SPNS1: variants seen among roughly 807,000 people sequenced by gnomAD.
SPNS1 encodes protein spinster homolog 1.
In SPNS1, 22 loss-of-function variants were observed where a neutral mutation model predicts 50.3. The observed-to-expected ratio is 0.44, with a 90% confidence interval of 0.31 to 0.62. The LOEUF (loss-of-function observed/expected upper bound fraction) is 0.62, where lower values mean the gene tolerates loss of function less well. SPNS1 is among the 20% of genes least tolerant of loss of function. The pLI, the probability that SPNS1 is intolerant of heterozygous loss-of-function variation, is 0.07. For synonymous variants in SPNS1, 295 were observed against 317.4 expected (o/e 0.93, Z 0.75); for missense variants, 576 against 728.6 (o/e 0.79, Z 2.41).
At position 28,974,954 on chromosome 16, in the gene SPNS1, T is replaced by A; in HGVS notation, c.-198T>A. On this transcript the variant is annotated 5_prime_UTR_variant, in exon 1 of 12. Transcript: ENST00000311008. ...TATTCCGCACGTCCCCTCCGCGCTG[T>A]GTGTCTACTGAGACGGGGAGGCGTG... is the stretch of plus-strand genomic sequence containing the variant. 1.4e-6 allele frequency: 2 copies of A among 1,480,650 alleles called. No individual in the cohort carries two copies. The highest frequency in any genetic ancestry group is 2.8e-5 in the African/African-American group (2 of 71,790). 91.7% of individuals were successfully genotyped at this position (1,480,650 alleles called of 1,614,324 possible). A position where few individuals can be genotyped will look rare whatever the true frequency, so the allele number is the denominator to read the frequency against.
At chr16:28,975,940 C>G (rs1175045387) in intron 2 of SPNS1, among the ~76,000 whole-genome samples, 2 of 152,132 alleles carry the variant, frequency 1.3e-5, no homozygotes, top group Admixed American at 6.6e-5. Context: ...TGTGAAGGGC[C>G]TAGTGCAGTG....
chr16:28,981,779 C>T lies in SPNS1; in HGVS notation c.810-122C>T, dbSNP rs1965562015. 2 of 1,493,406 alleles carry T rather than the reference C, an allele frequency of 1.3e-6. No homozygotes were observed. Among genetic ancestry groups the T allele is most frequent in the African/African-American group, 1.4e-5 (1 of 72,394 alleles). The allele number at this position is 1,493,406 out of a possible 1,614,324, so 92.5% of individuals were successfully genotyped here. ...GAATTACAGGCCCAGATCCTGGGAG[C>T]CAGAACCACCTCTGCACGGTGTTGT... is the stretch of plus-strand genomic sequence containing the variant. On this transcript the variant is annotated intron_variant, in intron 6 of 11. Transcript: ENST00000311008. The surrounding 1 kb of genome is among the most constrained non-coding windows in gnomAD (Gnocchi z 4.2).
In SPNS1 at chr16:28,979,440, A is replaced by T; in HGVS notation, c.632A>T (p.Asp211Val). 6.2e-7 allele frequency: 1 copy of T among 1,614,036 alleles called. No individual in the cohort carries two copies. Among genetic ancestry groups the T allele is most frequent in the Non-Finnish European group, 8.5e-7 (1 of 1,179,988 alleles). Reference protein sequence around the residue: ...LGYIAGSKVKDMAGDWHWALR... With the variant: ...LGYIAGSKVKVMAGDWHWALR... Reference sequence around the variant, plus strand: ...TACATTGCAGGCTCCAAAGTGAAGGATATGGCTGGAGACTGGCACTGGGCT... The same window carrying T: ...TACATTGCAGGCTCCAAAGTGAAGGTTATGGCTGGAGACTGGCACTGGGCT... Residue 211 changes from aspartate to valine, a missense_variant, in exon 5 of 12, where the codon GAT becomes GTT. Transcript: ENST00000311008.
rs1470626831 is a variant in SPNS1, at chr16:28,984,444, C to A, written c.*145C>A. On this transcript the variant is annotated 3_prime_UTR_variant, in exon 12 of 12. Coordinates refer to ENST00000311008, the MANE Select transcript of SPNS1 (RefSeq NM_032038.3). ...CAGCTCCCAGACACTACCTGGGTAG[C>A]TCAGGGGAGGAGGTGGGGGTCCAGG... 1 of 818,236 alleles carries A rather than the reference C, an allele frequency of 1.2e-6. No homozygotes were observed. The highest frequency in any genetic ancestry group is 2.0e-6 in the Non-Finnish European group (1 of 490,976). The allele number at this position is 818,236 out of a possible 1,614,324, so 50.7% of individuals were successfully genotyped here.
intron 2 of SPNS1, 147 bp downstream of exon 2, chr16:28,975,704 C>A: frequency 1.3e-6 from 1 of 783,798 alleles, no homozygotes; most frequent in Non-Finnish European, 2.1e-6. Flanking sequence ...GCTCGGGGGT[C>A]AGCGGGACAC....
Position 28,983,008 on chromosome 16 carries a change from C to A in SPNS1, c.1221+86C>A. On this transcript the variant is annotated intron_variant, in intron 9 of 11. Coordinates refer to ENST00000311008, the MANE Select transcript of SPNS1 (RefSeq NM_032038.3). The surrounding 1 kb of genome is among the most constrained non-coding windows in gnomAD (Gnocchi z 5.4). ...GGAGTGTTGCCTCTACCCCTCAAAG[C>A]CCAGCCTCAACCTACCTTCTGCAAT... is the stretch of plus-strand genomic sequence containing the variant. 3 of 1,470,726 alleles carry A rather than the reference C, an allele frequency of 2.0e-6. No individual in the cohort carries two copies. In the South Asian group the frequency reaches 3.4e-5, roughly 17 times the overall value. 91.1% of individuals were successfully genotyped at this position (1,470,726 alleles called of 1,614,324 possible).
intron 8 of SPNS1, 119 bp from the exon 9 acceptor site, chr16:28,982,738 C>T: frequency 7.9e-7 from 1 of 1,273,308 alleles, no homozygotes; most frequent in South Asian, 1.3e-5. Context: ...ATATTAGTAG[C>T]ACCTGTCTCA....
intron 2 of SPNS1, 35 bp from the exon 3 acceptor site, chr16:28,977,873 C>T: frequency 6.2e-7 from 1 of 1,607,452 alleles, no homozygotes; most frequent in Non-Finnish European, 8.5e-7. Context: ...GGTAGGGGTA[C>T]CTGGGCTGAG....
Position 28,984,361 on chromosome 16 carries a change from G to T in SPNS1, c.*62G>T. The T allele has an allele frequency of 6.5e-7, 1 of 1,530,034 alleles. No homozygotes were observed. 94.8% of individuals were successfully genotyped at this position (1,530,034 alleles called of 1,614,324 possible). On this transcript the variant is annotated 3_prime_UTR_variant, in exon 12 of 12. Coordinates refer to ENST00000311008, the MANE Select transcript of SPNS1 (RefSeq NM_032038.3). Reference sequence around the variant, plus strand: ...CTGGCCCTGGGCCCACCCCACGAAGGGCCTGGGCCTAACCCCTTGGCCTGG... The same window carrying T: ...CTGGCCCTGGGCCCACCCCACGAAGTGCCTGGGCCTAACCCCTTGGCCTGG...
Position 28,983,994 on chromosome 16 carries a change from C to T in SPNS1, c.1492+37C>T. ...GCTGTGCCCGGCCCAGCTTCTTGAT[C>T]TGCCTGTCTGTCTGTCCATCTGTCT... is the stretch of plus-strand genomic sequence containing the variant. On this transcript the variant is annotated intron_variant, in intron 11 of 11. Transcript: ENST00000311008. This position sits in a 1 kb window ranked among gnomAD's most constrained non-coding sequence, Gnocchi z 5.4. 5 of 1,524,302 alleles carry T rather than the reference C, an allele frequency of 3.3e-6. No homozygotes were observed. The highest frequency in any genetic ancestry group is 4.4e-6 in the Non-Finnish European group (5 of 1,140,756). The allele number at this position is 1,524,302 out of a possible 1,614,324, so 94.4% of individuals were successfully genotyped here. A position where few individuals can be genotyped will look rare whatever the true frequency, so the allele number is the denominator to read the frequency against.
At chr16:28,979,845 A>G (rs1433301926) in intron 5 of SPNS1, 2 of 232,776 alleles carry the variant, frequency 8.6e-6, no homozygotes, top group African/African-American at 2.3e-5. Context: ...CAACATGGTG[A>G]AACCCTGTCT....
Position 28,975,099 on chromosome 16 carries a change from A to G in SPNS1, c.-53A>G, listed in dbSNP as rs1171175638. On this transcript the variant is annotated 5_prime_UTR_variant, in exon 1 of 12. Transcript: ENST00000311008. ...CCTTTCTCCAGCCTCCTCCCCTCGC[A>G]GGTGGGATCGTCGGTGGGACCGGAG... 1.4e-6 allele frequency: 2 copies of G among 1,452,998 alleles called. No homozygotes were observed. Among genetic ancestry groups the G allele is most frequent in the African/African-American group, 2.9e-5 (2 of 70,066 alleles). The allele number at this position is 1,452,998 out of a possible 1,614,324, so 90.0% of individuals were successfully genotyped here.
At chr16:28,976,590 A>G (rs1456303008) in intron 2 of SPNS1, among the ~76,000 whole-genome samples, 5 of 152,224 alleles carry the variant, frequency 3.3e-5, no homozygotes, top group African/African-American at 7.2e-5. Flanking sequence ...CAGCTTATAA[A>G]GAAACTGAGG....
Position 28,982,394 on chromosome 16 carries a change from T to C in SPNS1, c.1004T>C (p.Leu335Pro), listed in dbSNP as rs780467428. Residue 335 changes from leucine to proline, a missense_variant, in exon 8 of 12, where the codon CTG (leucine) becomes CCG (proline). By Grantham distance (98) the Leu-to-Pro change is moderately conservative. This residue lies in a region of SPNS1 where 428 missense variants were observed against 520.1 expected (regional missense o/e 0.82). Coordinates refer to ENST00000311008, the MANE Select transcript of SPNS1 (RefSeq NM_032038.3). ...FGLITCLTGV[L>P]GVGLGVEISR... The stretch of plus-strand genomic sequence containing the variant: ...CTCATCACCTGCCTGACCGGAGTCC[T>C]GGGTGTGGGCCTGGGTGTGGAGATC... The C allele has an allele frequency of 6.2e-7, 1 of 1,608,810 alleles. No homozygotes were observed. Among genetic ancestry groups the C allele is most frequent in the East Asian group, 2.2e-5 (1 of 44,742 alleles).
Position 28,979,378 on chromosome 16 carries a change from C to A in SPNS1, c.597-27C>A, listed in dbSNP as rs368192652. On this transcript the variant is annotated intron_variant, in intron 4 of 11. Transcript: ENST00000311008. ...GGGACTGGACTGACTGGCTGTCCCC[C>A]CTTTTTCCCCTCTCTCCCTCCCACA... 9.3e-6 allele frequency: 15 copies of A among 1,613,978 alleles called. No individual in the cohort carries two copies. In the East Asian group the frequency reaches 2.2e-4, roughly 24 times the overall value.
chr16:28,975,624 C>T (rs890388405), intron 2 of SPNS1, 67 bp downstream of exon 2: 1 of 1,568,450 alleles, frequency 6.4e-7, no homozygotes, highest in Non-Finnish European at 8.8e-7. Flanking sequence ...TGGGGCCACG[C>T]GCTGGCCTGT....
Position 28,981,390 on chromosome 16 carries a change from T to C in SPNS1, c.664-80T>C. The C allele has an allele frequency of 6.4e-7, 1 of 1,570,060 alleles. No individual in the cohort carries two copies. The highest frequency in any genetic ancestry group is 8.7e-7 in the Non-Finnish European group (1 of 1,149,270). On this transcript the variant is annotated intron_variant, in intron 5 of 11. Transcript: ENST00000311008. This position sits in a 1 kb window ranked among gnomAD's most constrained non-coding sequence, Gnocchi z 4.2. ...TATTTTAGGTCTCAGGCTGGAGTTA[T>C]CTGTACCCCACACTCTCCTCCAGCC...
chr16:28,982,131 A>C, intron 7 of SPNS1, 75 bp downstream of exon 7: 1 of 1,547,844 alleles, frequency 6.5e-7, no homozygotes, highest in Non-Finnish European at 8.8e-7. Flanking sequence ...GCTCAGACCC[A>C]GGCAGGGAGT....
chr16:28,983,356 C>T lies in SPNS1; in HGVS notation c.1320+66C>T. ...CTGAGCCTGGGCTGGATCAGAAGGC[C>T]TGGCCCTAGTGAAGTGTCTGTGTCC... On this transcript the variant is annotated intron_variant, in intron 10 of 11. Coordinates refer to ENST00000311008, the MANE Select transcript of SPNS1 (RefSeq NM_032038.3). This position sits in a 1 kb window ranked among gnomAD's most constrained non-coding sequence, Gnocchi z 5.4. The T allele has an allele frequency of 7.6e-7, 1 of 1,315,206 alleles. No homozygotes were observed. Among genetic ancestry groups the T allele is most frequent in the Non-Finnish European group, 1.1e-6 (1 of 909,028 alleles). The allele number at this position is 1,315,206 out of a possible 1,614,324, so 81.5% of individuals were successfully genotyped here. A position where few individuals can be genotyped will look rare whatever the true frequency, so the allele number is the denominator to read the frequency against.
Sources: allele counts gnomAD v4.1 joint callset (sites outside exome capture counted in the v4.1 genomes callset), GRCh38; gene constraint gnomAD v4.1.1; regional missense constraint gnomAD v4.1.1; non-coding constraint Gnocchi (gnomAD v3.1); transcripts MANE v1.5; gene names NCBI Gene and HGNC (gene_info 2026-07-23, HGNC 2026-07-21).